Variants in CFAP299 observed in about 807,000 individuals in gnomAD.
CFAP299 encodes cilia- and flagella-associated protein 299.
CFAP299 carries 21 observed loss-of-function variants against 27.0 expected under a neutral mutation model. That is an observed-to-expected ratio of 0.78 (90% CI 0.55 to 1.12). The LOEUF is 1.12. CFAP299 is among the 50% of genes most tolerant of loss of function. The probability of loss-of-function intolerance (pLI) is 0.00; values close to 1 mark genes in which losing one functional copy is unlikely to be tolerated. For missense variants in CFAP299, 310 were observed against 276.6 expected, an observed-to-expected ratio of 1.12 and a Z score of -0.86; for synonymous variants, 104 against 98.1, an observed-to-expected ratio of 1.06 and a Z score of -0.36.
chr4:80,703,625 T>C (rs1244661988), intron 3 of CFAP299, among the ~76,000 whole-genome samples: 2 of 151,706 alleles, frequency 1.3e-5, no homozygotes, highest in African/African-American at 4.8e-5. Flanking sequence ...TAAAAATAAC[T>C]GCAATGAAAG....
intron 4 of CFAP299, among the ~76,000 whole-genome samples, chr4:80,875,282 A>G (rs898762472): frequency 1.3e-5 from 2 of 152,218 alleles, no homozygotes; most frequent in Non-Finnish European, 2.9e-5. Flanking sequence ...GGCCTGCACA[A>G]TTGTATGTAA....
Position 80,374,514 on chromosome 4 carries a change from C to T in CFAP299, c.242+11630C>T, listed in dbSNP as rs959257067. On this transcript the variant is annotated intron_variant, in intron 2 of 5. Coordinates refer to ENST00000358105, the MANE Select transcript of CFAP299 (RefSeq NM_152770.3). ...GCTCTTACTGAAGAGCAGTGGGCTA[C>T]TTCTTCAGGCTCAGAAGATTTAGAG... 2.6e-4 allele frequency among the ~76,000 whole-genome samples: 39 copies of T among 152,076 alleles called. 1 individual carries two copies. The highest frequency in any genetic ancestry group is 5.9e-5 in the Non-Finnish European group (4 of 68,010).
intron 3 of CFAP299, among the ~76,000 whole-genome samples, chr4:80,594,809 C>T (rs1369558310): frequency 6.6e-6 from 1 of 152,002 alleles, no homozygotes; most frequent in African/African-American, 2.4e-5. Context: ...TCTAGTGATT[C>T]TTGGTTGTTC....
intron 4 of CFAP299, among the ~76,000 whole-genome samples, chr4:80,912,112 G>A (rs781683675): frequency 6.6e-6 from 1 of 152,090 alleles, no homozygotes; most frequent in African/African-American, 2.4e-5. Context: ...TGACTATTTT[G>A]TGGGTCTTTC....
At chr4:80,322,521 T>G in the CFAP299 span, among the ~76,000 whole-genome samples, 1 of 149,770 alleles carries the variant, frequency 6.7e-6, no homozygotes, top group African/African-American at 2.5e-5. Context: ...CTTAAAATAC[T>G]TTTTTTTTTC....
intron 3 of CFAP299, among the ~76,000 whole-genome samples, chr4:80,741,111 G>T (rs1724237838): frequency 6.6e-6 from 1 of 152,118 alleles, no homozygotes; most frequent in South Asian, 2.1e-4. Context: ...CAAACAGAAG[G>T]AGTCTCTCAC....
intron 2 of CFAP299, among the ~76,000 whole-genome samples, chr4:80,537,634 T>G (rs1051934871): frequency 1.3e-5 from 2 of 151,830 alleles, no homozygotes; most frequent in African/African-American, 2.4e-5. Context: ...TCTAAAAGAG[T>G]TGAGCTTGTA....
intron 3 of CFAP299, among the ~76,000 whole-genome samples, chr4:80,737,080 G>A (rs941323190): frequency 4.3e-4 from 65 of 150,036 alleles, no homozygotes; most frequent in Middle Eastern, 3.5e-3. Context: ...ACCAAACACC[G>A]CATATTCTCA....
chr4:80,511,143 G>C (rs1037596321), intron 2 of CFAP299, among the ~76,000 whole-genome samples: 5 of 152,144 alleles, frequency 3.3e-5, no homozygotes, highest in Middle Eastern at 3.2e-3. Context: ...AAGTCCTGCT[G>C]CTTCCCTATC....
intron 2 of CFAP299, among the ~76,000 whole-genome samples, chr4:80,411,199 C>A (rs925929222): frequency 2.6e-5 from 4 of 152,124 alleles, no homozygotes; most frequent in Admixed American, 6.5e-5. Context: ...GTTTGAGCAT[C>A]TAGATTTTCA....
At chr4:80,490,206 T>C (rs1054908286) in intron 2 of CFAP299, among the ~76,000 whole-genome samples, 2 of 152,210 alleles carry the variant, frequency 1.3e-5, no homozygotes, top group Non-Finnish European at 2.9e-5. Flanking sequence ...ATACCAATTC[T>C]CAAGTGGTTT....
intron 3 of CFAP299, among the ~76,000 whole-genome samples, chr4:80,696,397 T>A (rs1721096465): frequency 6.6e-6 from 1 of 152,138 alleles, no homozygotes; most frequent in Non-Finnish European, 1.5e-5. Flanking sequence ...AAATAAGTTA[T>A]GTTTATGAAG....
chr4:80,499,086 G>C (rs1426070087), intron 2 of CFAP299, among the ~76,000 whole-genome samples: 2 of 152,056 alleles, frequency 1.3e-5, no homozygotes, highest in Admixed American at 1.3e-4. Context: ...AGATTCCAGG[G>C]CCTACTTGAG....
chr4:80,929,402 G>GCACCACTATCCCTCCAGTCTCTGTA (rs1560480948), intron 4 of CFAP299, among the ~76,000 whole-genome samples: 8 of 142,654 alleles, frequency 5.6e-5, no homozygotes, highest in African/African-American at 2.4e-4. Flanking sequence ...CAGTCTCTGT[G>GCACCACTATCCCTCCAGTCTCTGTA]GCACCACTAT....
chr4:80,391,759 G>A (rs986778363), intron 2 of CFAP299, among the ~76,000 whole-genome samples: 1 of 152,050 alleles, frequency 6.6e-6, no homozygotes, highest in African/African-American at 2.4e-5. Context: ...CTTGATCCCA[G>A]GAGTTTGAGA....
At chr4:80,322,840 A>G in the CFAP299 span, among the ~76,000 whole-genome samples, 1 of 152,186 alleles carries the variant, frequency 6.6e-6, no homozygotes, top group Admixed American at 6.5e-5. Context: ...ACACCACATT[A>G]CAGCCTTCAC....
chr4:80,511,193 C>T (rs1301294782), intron 2 of CFAP299, among the ~76,000 whole-genome samples: 2 of 152,056 alleles, frequency 1.3e-5, no homozygotes, highest in Non-Finnish European at 2.9e-5. Context: ...TTCTTTATGC[C>T]TCCCCTTATC....
intron 3 of CFAP299, among the ~76,000 whole-genome samples, chr4:80,666,985 A>G (rs531654304): frequency 7.2e-5 from 11 of 152,176 alleles, no homozygotes; most frequent in Non-Finnish European, 1.2e-4. Context: ...TTGTTCACCT[A>G]AGGATCCTGT....
intron 3 of CFAP299, among the ~76,000 whole-genome samples, chr4:80,590,662 A>G (rs561828900): frequency 1.3e-5 from 2 of 152,320 alleles, no homozygotes; most frequent in South Asian, 4.1e-4. Context: ...AACCATGCAC[A>G]CGGCATCCTT....
Sources: allele counts gnomAD v4.1 joint callset (sites outside exome capture counted in the v4.1 genomes callset), GRCh38; gene constraint gnomAD v4.1.1; transcripts MANE v1.5; gene names NCBI Gene and HGNC (gene_info 2026-07-23, HGNC 2026-07-21).